FGF2: variants seen among roughly 807,000 people sequenced by gnomAD.
FGF2 encodes the protein fibroblast growth factor 2, also known as basic fibroblast growth factor bFGF.
FGF2 carries 13 observed loss-of-function variants against 15.9 expected under a neutral mutation model. That is an observed-to-expected ratio of 0.82 (90% CI 0.53 to 1.30). FGF2 has a LOEUF of 1.30. Ranked by LOEUF, FGF2 falls within the 50% of genes most tolerant of loss-of-function variation. The pLI is 0.00. For missense variants in FGF2, 163 were observed against 196.9 expected (o/e 0.83, Z 1.03); for synonymous variants, 90 against 78.4 (o/e 1.15, Z -0.78).
chr4:122,840,436 A>G (rs1235364031), intron 1 of FGF2: 2 of 152,404 alleles, frequency 1.3e-5, no homozygotes, highest in Non-Finnish European at 2.9e-5. Context: ...ATGCATGGCC[A>G]AGTACAAGGC....
chr4:122,860,754 C>T (rs9307514), intron 1 of FGF2, among the ~76,000 whole-genome samples: 4,509 of 152,224 alleles, frequency 0.03, 160 homozygotes, highest in African/African-American at 0.083. Flanking sequence ...CTGCACCCAG[C>T]CTTACTTCTT....
At position 122,893,321 on chromosome 4, in the gene FGF2, T is replaced by C; in HGVS notation, c.*925T>C. On this transcript the variant is annotated 3_prime_UTR_variant, in exon 3 of 3. Coordinates refer to ENST00000644866, the MANE Select transcript of FGF2 (RefSeq NM_001361665.2). Reference sequence around the variant, plus strand: ...AGTTAAAGTAGCATTATGTAAAGGCTCAAAACATTACCCTAACAAAGTAAA... The same window carrying C: ...AGTTAAAGTAGCATTATGTAAAGGCCCAAAACATTACCCTAACAAAGTAAA... 1 of 1,186,544 alleles carries C rather than the reference T, an allele frequency of 8.4e-7. No individual in the cohort carries two copies. The allele number at this position is 1,186,544 out of a possible 1,614,324, so 73.5% of individuals were successfully genotyped here.
chr4:122,893,230 G>A lies in FGF2; in HGVS notation c.*834G>A, dbSNP rs45625032. 9 of 1,582,244 alleles carry A rather than the reference G, an allele frequency of 5.7e-6. No individual in the cohort carries two copies. Among genetic ancestry groups the A allele is most frequent in the South Asian group, 4.6e-5 (4 of 86,180 alleles). ...CTTCTCGAACCGCTGTGTCTCCTAC[G>A]TAAAAAAAGAGATGTACAAATCAAT... is the stretch of plus-strand genomic sequence containing the variant. On this transcript the variant is annotated 3_prime_UTR_variant, in exon 3 of 3. Transcript: ENST00000644866.
At chr4:122,840,264 A>G (rs1305820934) in intron 1 of FGF2, 2 of 152,176 alleles carry the variant, frequency 1.3e-5, no homozygotes, top group Non-Finnish European at 2.9e-5. Context: ...GTTGTTCAGC[A>G]GTTGGACATT....
chr4:122,843,206 A>T (rs1726034557), intron 1 of FGF2, among the ~76,000 whole-genome samples: 1 of 152,240 alleles, frequency 6.6e-6, no homozygotes, highest in Non-Finnish European at 1.5e-5. Context: ...AAAGGCTTCA[A>T]ACAGGAGTGA....
rs1443859778 is a variant in FGF2 at position 122,827,228 on chromosome 4, C to T, written c.54C>T (p.Ser18=). The change falls in exon 1 of 3, where the codon AGC becomes AGT. Residue 18 remains serine, a synonymous_variant. Coordinates refer to ENST00000644866, the MANE Select transcript of FGF2 (RefSeq NM_001361665.2). This position sits in a 1 kb window ranked among gnomAD's most constrained non-coding sequence, Gnocchi z 4.2. The stretch of plus-strand genomic sequence containing the variant: ...CCGCCTTGCCCGAGGATGGCGGCAG[C>T]GGCGCCTTCCCGCCCGGCCACTTCA... ...TLPALPEDGG[S]GAFPPGHFKD... 6.2e-7 allele frequency: 1 copy of T among 1,610,964 alleles called. No homozygotes were observed. The highest frequency in any genetic ancestry group is 1.1e-5 in the South Asian group (1 of 90,906).
chr4:122,836,053 T>A (rs566522411), intron 1 of FGF2, among the ~76,000 whole-genome samples: 7 of 152,344 alleles, frequency 4.6e-5, no homozygotes, highest in Non-Finnish European at 1.0e-4. Flanking sequence ...GGAGAATTAA[T>A]GGTTTTTACT....
At chr4:122,839,632 A>G (rs2926172) in intron 1 of FGF2, among the ~76,000 whole-genome samples, 13,083 of 152,222 alleles carry the variant, frequency 0.086, 1,063 homozygotes, top group South Asian at 0.2. Context: ...CCCAGGTGTT[A>G]GAGTGAATTT....
At chr4:122,872,695 G>A (rs1248524297) in intron 1 of FGF2, among the ~76,000 whole-genome samples, 1 of 152,168 alleles carries the variant, frequency 6.6e-6, no homozygotes, top group East Asian at 1.9e-4. Context: ...AACTCTATAA[G>A]CCAGAAGAGA....
intron 1 of FGF2, among the ~76,000 whole-genome samples, chr4:122,860,447 CTTTTTTTTT>C (rs34541038): frequency 2.2e-5 from 2 of 90,912 alleles, no homozygotes; most frequent in Non-Finnish European, 4.0e-5. Context: ...CTAAGGTTAA[CTTTTTTTTT>C]TTTTTTTTTT....
chr4:122,829,913 C>T (rs377117860), intron 1 of FGF2, among the ~76,000 whole-genome samples: 5 of 152,214 alleles, frequency 3.3e-5, no homozygotes, highest in South Asian at 4.2e-4. Context: ...TGAGGAGACC[C>T]CCCAAAACAA....
intron 1 of FGF2, among the ~76,000 whole-genome samples, chr4:122,863,958 C>T (rs181472045): frequency 1.4e-5 from 2 of 147,988 alleles, no homozygotes; most frequent in Admixed American, 6.6e-5. Flanking sequence ...GTTCTTTACT[C>T]GAAGTCAATT....
intron 2 of FGF2, among the ~76,000 whole-genome samples, chr4:122,886,479 C>T (rs957979692): frequency 6.6e-6 from 1 of 152,160 alleles, no homozygotes; most frequent in African/African-American, 2.4e-5. Context: ...TGGTTATGCT[C>T]CACCTCCTTG....
chr4:122,877,355 C>T (rs963929938), intron 2 of FGF2, among the ~76,000 whole-genome samples: 2 of 152,188 alleles, frequency 1.3e-5, no homozygotes, highest in African/African-American at 4.8e-5. Flanking sequence ...TCAGGTGATC[C>T]GCCTGCCTTG....
At chr4:122,852,667 TGTCA>T (rs1726259366) in intron 1 of FGF2, among the ~76,000 whole-genome samples, 1 of 152,224 alleles carries the variant, frequency 6.6e-6, no homozygotes, top group South Asian at 2.1e-4. Context: ...TTGTTTTCTG[TGTCA>T]GTTTTTCATA....
At chr4:122,880,312 TCTCGG>T (rs1388203220) in intron 2 of FGF2, among the ~76,000 whole-genome samples, 1 of 150,266 alleles carries the variant, frequency 6.7e-6, no homozygotes, top group African/African-American at 2.5e-5. Flanking sequence ...AGTGGCATGA[TCTCGG>T]CTCACTGCAA....
chr4:122,871,956 G>T (rs1019299045), intron 1 of FGF2, among the ~76,000 whole-genome samples: 1 of 152,034 alleles, frequency 6.6e-6, no homozygotes, highest in Admixed American at 6.6e-5. Context: ...AGGCCAAAGT[G>T]CCTCTTCTCC....
chr4:122,845,493 T>A (rs1726091452), intron 1 of FGF2, among the ~76,000 whole-genome samples: 1 of 152,274 alleles, frequency 6.6e-6, no homozygotes, highest in Non-Finnish European at 1.5e-5. Context: ...GGCTGTTTTG[T>A]CCACATTGAA....
chr4:122,842,994 A>T (rs921055958), intron 1 of FGF2, among the ~76,000 whole-genome samples: 4 of 152,206 alleles, frequency 2.6e-5, no homozygotes, highest in Admixed American at 2.0e-4. Context: ...ACAAAGTACC[A>T]CTATATTATA....
Sources: allele counts gnomAD v4.1 joint callset (sites outside exome capture counted in the v4.1 genomes callset), GRCh38; gene constraint gnomAD v4.1.1; non-coding constraint Gnocchi (gnomAD v3.1); transcripts MANE v1.5; gene names NCBI Gene and HGNC (gene_info 2026-07-23, HGNC 2026-07-21).